RANBP17: variants seen among roughly 807,000 people sequenced by gnomAD.
RANBP17 encodes ran-binding protein 17.
Under a neutral mutation model 141.2 loss-of-function variants are expected in RANBP17, and 158 were observed. The ratio of observed to expected loss-of-function variants is 1.12; its 90% CI spans 0.98 to 1.28. The LOEUF (loss-of-function observed/expected upper bound fraction) is 1.28, where lower values mean the gene tolerates loss of function less well. Among genes scored for constraint, RANBP17 ranks in the 50% most tolerant of loss-of-function variants. RANBP17 has a pLI of 0.00. For missense variants in RANBP17, 1,438 were observed against 1,290.7 expected (o/e 1.11, Z -1.75); for synonymous variants, 430 against 450.0 (o/e 0.96, Z 0.56).
chr5:170,894,486 T>TATATGTATA (rs376342999), intron 4 of RANBP17, among the ~76,000 whole-genome samples: 1 of 133,316 alleles, frequency 7.5e-6, no homozygotes, highest in Non-Finnish European at 1.6e-5. Context: ...TACGTGTTTT[T>TATATGTATA]TATATATATA....
intron 14 of RANBP17, among the ~76,000 whole-genome samples, chr5:171,168,213 A>G (rs1435841221): frequency 6.6e-6 from 1 of 152,206 alleles, no homozygotes; most frequent in African/African-American, 2.4e-5. Context: ...CGTTGTGGGA[A>G]CATAAAGGAG....
At chr5:171,016,246 G>GT (rs1417342573) in intron 14 of RANBP17, among the ~76,000 whole-genome samples, 3 of 150,776 alleles carry the variant, frequency 2.0e-5, no homozygotes, top group African/African-American at 7.3e-5. Context: ...AAGTGTCTAG[G>GT]TTTTTTTAGT....
intron 12 of RANBP17, among the ~76,000 whole-genome samples, chr5:170,933,726 G>A (rs1773606354): frequency 6.6e-6 from 1 of 152,134 alleles, no homozygotes; most frequent in Non-Finnish European, 1.5e-5. Flanking sequence ...GAGCGGTTTT[G>A]AGTGAGTTTC....
intron 14 of RANBP17, among the ~76,000 whole-genome samples, chr5:171,030,726 C>G (rs1439413346): frequency 6.6e-6 from 1 of 151,934 alleles, no homozygotes; most frequent in East Asian, 1.9e-4. Context: ...ATATTTGAAT[C>G]TGTATTGTAA....
intron 25 of RANBP17, among the ~76,000 whole-genome samples, chr5:171,268,009 G>A (rs1446024464): frequency 2.0e-5 from 3 of 152,056 alleles, no homozygotes; most frequent in Non-Finnish European, 4.4e-5. Flanking sequence ...GTGTAACTAG[G>A]CAAAGGGCTG....
intron 14 of RANBP17, among the ~76,000 whole-genome samples, chr5:170,985,634 C>T (rs1432544621): frequency 2.0e-5 from 3 of 152,142 alleles, no homozygotes; most frequent in Non-Finnish European, 2.9e-5. Flanking sequence ...AAAACACACA[C>T]GTGTGTGCAC....
intron 3 of RANBP17, among the ~76,000 whole-genome samples, chr5:170,882,229 A>G (rs968508650): frequency 1.3e-5 from 2 of 152,004 alleles, no homozygotes; most frequent in Non-Finnish European, 2.9e-5. Flanking sequence ...CTACAGGTGC[A>G]CGCTACCACA....
At position 171,274,137 on chromosome 5, in the gene RANBP17, TGTGTGTGTGTGTGC is replaced by T. The variant is rs1329712757; in HGVS notation, c.2943+8292_2943+8305del. Reference sequence around the variant, plus strand: ...GTGTGTGTGTGTGTGTGTGTGTGTGTGTGTGTGTGTGTGCGCGCGCGCGCGCGTGCGCAAAATCT... The same window carrying T: ...GTGTGTGTGTGTGTGTGTGTGTGTGTGCGCGCGCGCGCGTGCGCAAAATCT... On this transcript the variant is annotated intron_variant, in intron 25 of 27. Transcript: ENST00000523189. Among the ~76,000 whole-genome samples the T allele has an allele frequency of 2.1e-3, 280 of 130,324 alleles. 2 individuals are homozygous for T. Among genetic ancestry groups the T allele is most frequent in the African/African-American group, 7.7e-3 (272 of 35,288 alleles). 85.5% of individuals were successfully genotyped at this position (130,324 alleles called of 152,430 possible). A position where few individuals can be genotyped will look rare whatever the true frequency, so the allele number is the denominator to read the frequency against.
chr5:170,951,178 A>AAC (rs1462243857), intron 12 of RANBP17, among the ~76,000 whole-genome samples: 2 of 152,164 alleles, frequency 1.3e-5, no homozygotes, highest in East Asian at 3.9e-4. Flanking sequence ...GGGTAACTAT[A>AAC]ACTATAGTTA....
intron 22 of RANBP17, among the ~76,000 whole-genome samples, chr5:171,238,490 T>C (rs1246988220): frequency 2.0e-5 from 3 of 152,258 alleles, no homozygotes; most frequent in Middle Eastern, 3.4e-3. Context: ...ATAGGACCTT[T>C]CCTTTCCCTC....
At chr5:171,267,200 A>ATTT (rs75633814) in intron 25 of RANBP17, among the ~76,000 whole-genome samples, 15,470 of 131,690 alleles carry the variant, frequency 0.12, 1,119 homozygotes, top group East Asian at 0.2. Flanking sequence ...CATCCAGCTA[A>ATTT]TTTTTTTTTT....
intron 14 of RANBP17, among the ~76,000 whole-genome samples, chr5:171,105,563 A>T (rs1754765606): frequency 6.6e-6 from 1 of 151,816 alleles, no homozygotes; most frequent in South Asian, 2.1e-4. Flanking sequence ...TTTTTAAAAG[A>T]TTAGCTGAGT....
intron 14 of RANBP17, among the ~76,000 whole-genome samples, chr5:171,166,761 G>T (rs986783008): frequency 3.4e-4 from 52 of 152,274 alleles, no homozygotes; most frequent in African/African-American, 1.3e-3. Flanking sequence ...GAATGATAAG[G>T]TACCTTGAAA....
At chr5:171,298,461 T>C (rs1438094749) in intron 27 of RANBP17, among the ~76,000 whole-genome samples, 1 of 152,204 alleles carries the variant, frequency 6.6e-6, no homozygotes, top group African/African-American at 2.4e-5. Flanking sequence ...ACTATCTATG[T>C]GTAATTTAAC....
chr5:171,121,062 G>A (rs1303125209), intron 14 of RANBP17, among the ~76,000 whole-genome samples: 1 of 152,194 alleles, frequency 6.6e-6, no homozygotes, highest in African/African-American at 2.4e-5. Context: ...TTATGGTGGC[G>A]GTGGTCCAGC....
At chr5:171,227,406 C>CT (rs1763944347) in intron 22 of RANBP17, among the ~76,000 whole-genome samples, 1 of 152,226 alleles carries the variant, frequency 6.6e-6, no homozygotes, top group Non-Finnish European at 1.5e-5. Context: ...GAGCAAGGCT[C>CT]TAACTCTCTT....
At chr5:171,249,162 A>G (rs1765404556) in intron 24 of RANBP17, among the ~76,000 whole-genome samples, 1 of 152,210 alleles carries the variant, frequency 6.6e-6, no homozygotes, top group African/African-American at 2.4e-5. Context: ...TACAGAAAGC[A>G]CTAATGCTAC....
chr5:170,947,516 T>C (rs1774861163), intron 12 of RANBP17, among the ~76,000 whole-genome samples: 1 of 152,192 alleles, frequency 6.6e-6, no homozygotes. Context: ...GGGGATTGTA[T>C]TATCTATTAC....
At chr5:171,196,071 C>T (rs955481612) in intron 18 of RANBP17, among the ~76,000 whole-genome samples, 14 of 152,146 alleles carry the variant, frequency 9.2e-5, no homozygotes, top group East Asian at 1.9e-4. Context: ...AGGGAACTTA[C>T]GTCCTAATAG....
Sources: gnomAD v4.1 joint callset for allele counts (sites outside exome capture counted in the v4.1 genomes callset) on GRCh38, gnomAD v4.1.1 for gene constraint, MANE v1.5 for transcripts, NCBI Gene and HGNC (gene_info 2026-07-23, HGNC 2026-07-21) for gene names.